The following TULP4 variants were observed in gnomAD, a reference collection of about 807,000 sequenced individuals.
The protein encoded by TULP4 is tubby-related protein 4.
Under a neutral mutation model 129.0 loss-of-function variants are expected in TULP4, and 16 were observed. The observed-to-expected ratio is 0.12, with a 90% CI of 0.08 to 0.19. The LOEUF (loss-of-function observed/expected upper bound fraction) is 0.19. Ranked by LOEUF, TULP4 falls within the 10% of genes least tolerant of loss-of-function variation. TULP4 has a pLI of 1.00. For missense variants in TULP4, 1,842 were observed against 2,059.1 expected, an observed-to-expected ratio of 0.89 and a Z score of 2.04; for synonymous variants, 998 against 854.0, an observed-to-expected ratio of 1.17 and a Z score of -2.94.
intron 13 of TULP4, among the ~76,000 whole-genome samples, chr6:158,504,716 C>T (rs1203316079): frequency 1.3e-5 from 2 of 151,842 alleles, no homozygotes; most frequent in Non-Finnish European, 2.9e-5. Context: ...GTCTCAAACT[C>T]CTGGGTTCCA....
At chr6:158,309,578 C>T (rs1463266820), upstream of TULP4, among the ~76,000 whole-genome samples, 2 of 152,072 alleles carry the variant, frequency 1.3e-5, no homozygotes, top group East Asian at 3.9e-4. Context: ...GAGATCATGC[C>T]ACTGCACTCC....
intron 1 of TULP4, among the ~76,000 whole-genome samples, chr6:158,377,564 A>C (rs1777220262): frequency 6.6e-6 from 1 of 152,206 alleles, no homozygotes; most frequent in Non-Finnish European, 1.5e-5. Flanking sequence ...ATTATTTAAC[A>C]CATACATTGA....
chr6:158,246,291 G>A (rs972225409), intron 1 of TULP4, among the ~76,000 whole-genome samples: 2 of 151,954 alleles, frequency 1.3e-5, no homozygotes, highest in Non-Finnish European at 2.9e-5. Flanking sequence ...TACGAGGTCA[G>A]GAGATCGAGA....
At chr6:158,233,878 A>G (rs1451867755) in intron 1 of TULP4, among the ~76,000 whole-genome samples, 1 of 152,214 alleles carries the variant, frequency 6.6e-6, no homozygotes, top group Admixed American at 6.5e-5. Flanking sequence ...TAAGAGCTCT[A>G]TATTAGGGCT....
intron 1 of TULP4, among the ~76,000 whole-genome samples, chr6:158,240,349 C>T (rs1777856920): frequency 1.3e-5 from 1 of 76,230 alleles, no homozygotes; most frequent in African/African-American, 4.5e-5. Context: ...GGGGGGCTGA[C>T]TCCCCCACCT....
chr6:158,392,790 A>ATTTTTTT (rs1554286987), intron 1 of TULP4, among the ~76,000 whole-genome samples: 3 of 38,624 alleles, frequency 7.8e-5, no homozygotes, highest in African/African-American at 2.1e-4. Context: ...TTAAATTTGT[A>ATTTTTTT]TTTCTTTTTT....
chr6:158,243,403 ATG>A (rs1214419316), intron 1 of TULP4, among the ~76,000 whole-genome samples: 1 of 151,272 alleles, frequency 6.6e-6, no homozygotes, highest in African/African-American at 2.4e-5. Flanking sequence ...GTGTGTATGT[ATG>A]TGTGTGTATG....
At chr6:158,438,743 C>A (rs1317546239) in intron 3 of TULP4, among the ~76,000 whole-genome samples, 2 of 152,034 alleles carry the variant, frequency 1.3e-5, no homozygotes, top group East Asian at 3.9e-4. Flanking sequence ...CACCACCATA[C>A]CTGGCTAATT....
intron 3 of TULP4, among the ~76,000 whole-genome samples, chr6:158,431,509 G>C (rs1450108425): frequency 6.6e-6 from 1 of 152,212 alleles, no homozygotes; most frequent in African/African-American, 2.4e-5. Flanking sequence ...TGGGGATACA[G>C]CAGTGAGAGA....
chr6:158,314,332 C>G (rs1779437722), intron 1 of TULP4, 64 bp downstream of exon 1: 3 of 1,556,768 alleles, frequency 1.9e-6, no homozygotes, highest in Non-Finnish European at 2.6e-6. Context: ...CCCTTGTGGA[C>G]TTGAAACTTC....
chr6:158,242,393 A>G (rs1777939874), intron 1 of TULP4: 1 of 1,457,448 alleles, frequency 6.9e-7, no homozygotes, highest in African/African-American at 1.4e-5. Context: ...TCCTCTCCTC[A>G]TCATAAGCAT....
At chr6:158,241,601 T>C (rs1777914525) in intron 1 of TULP4, among the ~76,000 whole-genome samples, 1 of 151,282 alleles carries the variant, frequency 6.6e-6, no homozygotes, top group Non-Finnish European at 1.5e-5. Context: ...GGCGTGAAAT[T>C]GTTTTTTTTT....
intron 3 of TULP4, among the ~76,000 whole-genome samples, chr6:158,446,851 C>G (rs867787456): frequency 6.6e-6 from 1 of 152,170 alleles, no homozygotes; most frequent in Non-Finnish European, 1.5e-5. Flanking sequence ...AAGCTGGGGT[C>G]TCTCATACTC....
rs1583847346 is a variant in TULP4 at position 158,411,555 on chromosome 6, A to T, written c.253-1510A>T. ...AGCTGCCTCTGATTTTTGCAGTTTT[A>T]AAAAAGAGCTATGATATTCTTCACA... On this transcript the variant is annotated intron_variant, in intron 1 of 13. Transcript: ENST00000367097. Among the ~76,000 whole-genome samples the T allele has an allele frequency of 2.0e-5, 3 of 152,274 alleles. No individual in the cohort carries two copies. The East Asian group carries it at 5.8e-4, about 29-fold the overall frequency.
intron 1 of TULP4, among the ~76,000 whole-genome samples, chr6:158,314,763 T>A (rs1410824063): frequency 6.6e-6 from 1 of 152,230 alleles, no homozygotes. Context: ...GCTTGTATGT[T>A]TTCGTACTTG....
rs151153166 is a variant in TULP4, at chr6:158,314,264, G to A, written c.248G>A (p.Ser83Asn). The A allele has an allele frequency of 9.1e-4, 1,465 of 1,612,820 alleles. 5 individuals are homozygous for A. The highest frequency in any genetic ancestry group is 1.8e-3 in the Middle Eastern group (11 of 6,042). Reference protein sequence around the residue: ...RINFNLRGHNSEVVLVRWNEP... With the variant: ...RINFNLRGHNNEVVLVRWNEP... ...AATTTCAACCTCCGGGGCCACAATA[G>A]CGAGGTGAGCTGTGGTTTTGTTTCA... Residue 83 changes from serine (S) to asparagine (N), a missense_variant, in exon 1 of 14, where the codon AGC (serine) becomes AAC (asparagine). Around this residue, in one of 5 missense-constraint regions of TULP4, gnomAD observed 151 missense variants for 268.7 expected, o/e 0.56. Coordinates refer to ENST00000367097, the MANE Select transcript of TULP4 (RefSeq NM_020245.5).
rs180980360 is a variant in TULP4, at chr6:158,357,566, T to C, written c.252+43298T>C. Among the ~76,000 whole-genome samples the C allele has an allele frequency of 5.9e-5, 9 of 152,366 alleles. No individual in the cohort carries two copies. In the East Asian group the frequency reaches 1.7e-3, roughly 29 times the overall value. ...TCCATTAGATGAGTAGGAAGAGAGCTGTGCTTTCTGCTGTTGTTTTTACTG... is the reference window on the plus strand; with the variant it reads ...TCCATTAGATGAGTAGGAAGAGAGCCGTGCTTTCTGCTGTTGTTTTTACTG... On this transcript the variant is annotated intron_variant, in intron 1 of 13. Transcript: ENST00000367097.
chr6:158,392,735 G>C (rs1777611312), intron 1 of TULP4, among the ~76,000 whole-genome samples: 2 of 149,222 alleles, frequency 1.3e-5, no homozygotes, highest in Admixed American at 1.3e-4. Flanking sequence ...GGGATTGAAT[G>C]CTGGGTACAC....
chr6:158,315,227 A>G (rs1370470791), intron 1 of TULP4, among the ~76,000 whole-genome samples: 3 of 152,152 alleles, frequency 2.0e-5, no homozygotes, highest in Non-Finnish European at 4.4e-5. Context: ...GTAGAAATTT[A>G]TTTCTCACAG....
Sources: allele counts gnomAD v4.1 joint callset (sites outside exome capture counted in the v4.1 genomes callset), GRCh38; gene constraint gnomAD v4.1.1; regional missense constraint gnomAD v4.1.1; transcripts MANE v1.5; gene names NCBI Gene and HGNC (gene_info 2026-07-23, HGNC 2026-07-21).